Variants in FOXJ3 observed in about 807,000 individuals in gnomAD.
The protein encoded by FOXJ3 is forkhead box protein J3.
In FOXJ3, 22 loss-of-function variants were observed where a neutral mutation model predicts 76.1. That is an observed-to-expected ratio of 0.29 (90% CI 0.21 to 0.41). The LOEUF (loss-of-function observed/expected upper bound fraction) is 0.41, where lower values mean the gene tolerates loss of function less well. FOXJ3 is among the 10% of genes least tolerant of loss of function. The pLI is 1.00. For synonymous variants in FOXJ3, 269 were observed against 261.2 expected (o/e 1.03, Z -0.29); for missense variants, 613 against 762.1 (o/e 0.80, Z 2.30).
chr1:42,238,497 C>T (rs1350468422), intron 4 of FOXJ3, among the ~76,000 whole-genome samples: 2 of 152,178 alleles, frequency 1.3e-5, no homozygotes, highest in Non-Finnish European at 2.9e-5. Context: ...CTATTTTAGG[C>T]CCTTTGCATT....
chr1:42,249,995 G>T (rs1396321692), intron 4 of FOXJ3, among the ~76,000 whole-genome samples: 1 of 152,110 alleles, frequency 6.6e-6, no homozygotes, highest in East Asian at 1.9e-4. Flanking sequence ...ATAAATGCAA[G>T]AAAAATAGTA....
chr1:42,275,659 T>C (rs1008584923), intron 3 of FOXJ3, among the ~76,000 whole-genome samples: 1 of 152,000 alleles, frequency 6.6e-6, no homozygotes, highest in Non-Finnish European at 1.5e-5. Context: ...AAACAAGACT[T>C]TGTCTAAAAA....
chr1:42,243,552 C>T (rs966787642), intron 4 of FOXJ3, among the ~76,000 whole-genome samples: 10 of 152,004 alleles, frequency 6.6e-5, no homozygotes, highest in Admixed American at 2.0e-4. Context: ...TGTAAGGAAA[C>T]GTAGACTGAA....
chr1:42,324,122 C>T (rs12759402), intron 1 of FOXJ3, among the ~76,000 whole-genome samples: 2 of 130,190 alleles, frequency 1.5e-5, no homozygotes, highest in African/African-American at 5.9e-5. Flanking sequence ...ACTGTATATA[C>T]ACAGTGTATA....
intron 5 of FOXJ3, among the ~76,000 whole-genome samples, chr1:42,210,883 G>A (rs1057388696): frequency 6.6e-6 from 1 of 152,126 alleles, no homozygotes; most frequent in Non-Finnish European, 1.5e-5. Context: ...CAGAAGAGCA[G>A]CAAGCTCCAC....
intron 4 of FOXJ3, among the ~76,000 whole-genome samples, chr1:42,256,927 A>G (rs1570073821): frequency 6.6e-6 from 1 of 152,208 alleles, no homozygotes; most frequent in African/African-American, 2.4e-5. Flanking sequence ...CATTATAGAC[A>G]TTATGCTGAG....
At chr1:42,236,772 G>A (rs1461702612) in intron 4 of FOXJ3, among the ~76,000 whole-genome samples, 6 of 152,002 alleles carry the variant, frequency 3.9e-5, no homozygotes, top group Non-Finnish European at 7.4e-5. Flanking sequence ...TTCCACTCTC[G>A]ACAGCAGTGT....
At chr1:42,306,806 G>A (rs911564820) in intron 2 of FOXJ3, among the ~76,000 whole-genome samples, 2 of 152,120 alleles carry the variant, frequency 1.3e-5, no homozygotes, top group African/African-American at 4.8e-5. Flanking sequence ...GATTTTTTAA[G>A]TAATATGCAG....
rs571132645 is a variant in FOXJ3, at chr1:42,208,122, C to G, written c.529-2259G>C. ...TCTCATCTATAAAAAGATGATTATG[C>G]TACTTCCTTTAGAGATCTGTTAAGA... On this transcript the variant is annotated intron_variant, in intron 5 of 12. Coordinates refer to ENST00000361346, the MANE Select transcript of FOXJ3 (RefSeq NM_014947.5). 1.9e-4 allele frequency among the ~76,000 whole-genome samples: 29 copies of G among 152,336 alleles called. No individual in the cohort carries two copies. In the South Asian group the frequency reaches 5.8e-3, roughly 30 times the overall value.
At chr1:42,205,278 A>C (rs343364) in intron 6 of FOXJ3, among the ~76,000 whole-genome samples, 101,534 of 152,016 alleles carry the variant, frequency 0.67, 35,601 homozygotes, top group Admixed American at 0.78. Flanking sequence ...TGTAGCAAAC[A>C]ACCATGTACT....
intron 9 of FOXJ3, 72 bp from the exon 10 acceptor site, chr1:42,189,476 C>T: frequency 9.5e-7 from 1 of 1,054,702 alleles, no homozygotes; most frequent in Non-Finnish European, 1.4e-6. Context: ...AAACGATGAG[C>T]TGCCCTTATT....
At chr1:42,334,466 C>T (rs948637445) in intron 1 of FOXJ3, among the ~76,000 whole-genome samples, 9 of 152,086 alleles carry the variant, frequency 5.9e-5, no homozygotes, top group Non-Finnish European at 1.2e-4. Context: ...GCAACACACA[C>T]AGGACAGCAA....
At chr1:42,301,344 C>T (rs539915397) in intron 2 of FOXJ3, among the ~76,000 whole-genome samples, 56 of 152,052 alleles carry the variant, frequency 3.7e-4, no homozygotes, top group Admixed American at 1.8e-3. Context: ...TACAGTCACA[C>T]GCCACAATGC....
At chr1:42,325,009 C>T (rs1194766210) in intron 1 of FOXJ3, among the ~76,000 whole-genome samples, 1 of 152,236 alleles carries the variant, frequency 6.6e-6, no homozygotes, top group African/African-American at 2.4e-5. Flanking sequence ...ATGGGACCAC[C>T]ACTGTATATA....
chr1:42,259,059 T>C (rs1222940665), intron 4 of FOXJ3, among the ~76,000 whole-genome samples: 5 of 152,186 alleles, frequency 3.3e-5, no homozygotes, highest in Admixed American at 6.5e-5. Context: ...ATGGAATATA[T>C]GCAATGAAAT....
At chr1:42,244,020 T>C (rs945910357) in intron 4 of FOXJ3, among the ~76,000 whole-genome samples, 4 of 152,086 alleles carry the variant, frequency 2.6e-5, no homozygotes, top group East Asian at 1.9e-4. Context: ...AAGAGGAACT[T>C]TGGAAACTCT....
chr1:42,297,072 C>G (rs1653835459), intron 2 of FOXJ3, among the ~76,000 whole-genome samples: 1 of 151,770 alleles, frequency 6.6e-6, no homozygotes, highest in Non-Finnish European at 1.5e-5. Flanking sequence ...GTGTGTGTGT[C>G]TACTGTAAAT....
At chr1:42,334,629 G>A (rs1656359686) in intron 1 of FOXJ3, among the ~76,000 whole-genome samples, 1 of 152,180 alleles carries the variant, frequency 6.6e-6, no homozygotes, top group South Asian at 2.1e-4. Flanking sequence ...GCAGAAAAGC[G>A]CCCCCAAGCT....
At chr1:42,212,978 A>G (rs1033757810) in intron 5 of FOXJ3, among the ~76,000 whole-genome samples, 7 of 151,026 alleles carry the variant, frequency 4.6e-5, no homozygotes, top group Non-Finnish European at 8.9e-5. Context: ...AAAACAAAAA[A>G]AAAACTAAGT....
Sources: gnomAD v4.1 joint callset for allele counts (sites outside exome capture counted in the v4.1 genomes callset) on GRCh38, gnomAD v4.1.1 for gene constraint, MANE v1.5 for transcripts, NCBI Gene and HGNC (gene_info 2026-07-23, HGNC 2026-07-21) for gene names.